Variants in ZCCHC8 observed in about 807,000 individuals in gnomAD.
ZCCHC8 encodes zinc finger CCHC-type containing 8.
A neutral mutation model predicts 70.6 loss-of-function variants in ZCCHC8; 27 were observed. The ratio of observed to expected loss-of-function variants is 0.38; its 90% CI spans 0.28 to 0.53. The LOEUF (loss-of-function observed/expected upper bound fraction) is 0.53. ZCCHC8 is among the 20% of genes least tolerant of loss of function. ZCCHC8 has a pLI of 0.81. For missense variants in ZCCHC8, 737 were observed against 876.9 expected (o/e 0.84, Z 2.01); for synonymous variants, 293 against 317.4 (o/e 0.92, Z 0.82).
intron 2 of ZCCHC8, among the ~76,000 whole-genome samples, chr12:122,497,399 G>A (rs1005246255): frequency 2.0e-5 from 3 of 151,968 alleles, no homozygotes; most frequent in African/African-American, 2.4e-5. Context: ...AAAATTAGCC[G>A]AGTGTGGTAG....
At chr12:122,486,544 C>A (rs1185254356) in intron 5 of ZCCHC8, among the ~76,000 whole-genome samples, 1 of 151,620 alleles carries the variant, frequency 6.6e-6, no homozygotes, top group Admixed American at 6.6e-5. Context: ...CCTACAGATT[C>A]AGACCACGTG....
At chr12:122,498,080 T>C (rs1388560211) in intron 2 of ZCCHC8, among the ~76,000 whole-genome samples, 2 of 152,116 alleles carry the variant, frequency 1.3e-5, no homozygotes, top group Non-Finnish European at 2.9e-5. Context: ...TCTTCTAAAA[T>C]GCTGATTCTT....
intron 5 of ZCCHC8, among the ~76,000 whole-genome samples, chr12:122,487,226 T>C (rs888906327): frequency 2.0e-5 from 3 of 152,236 alleles, no homozygotes; most frequent in African/African-American, 7.2e-5. Context: ...CTGACTACAA[T>C]GTAATTCGAT....
chr12:122,482,732 A>G, intron 7 of ZCCHC8, 37 bp from the exon 8 acceptor site: 5 of 1,556,026 alleles, frequency 3.2e-6, no homozygotes, highest in Non-Finnish European at 4.4e-6. Flanking sequence ...TATAATGTCA[A>G]TAAAAATAGA....
At chr12:122,482,766 A>G (rs1367143772) in intron 7 of ZCCHC8, 71 bp from the exon 8 acceptor site, 2 of 1,324,436 alleles carry the variant, frequency 1.5e-6, no homozygotes, top group Admixed American at 2.1e-5. Context: ...AAAATTCTAT[A>G]TGACAGCAAA....
At chr12:122,498,905 A>G (rs756779047) in intron 1 of ZCCHC8, 36 bp from the exon 2 acceptor site, 36 of 1,586,912 alleles carry the variant, frequency 2.3e-5, no homozygotes, top group Non-Finnish European at 2.9e-5. Flanking sequence ...CCCTCATTTA[A>G]CAATGCAAAT....
chr12:122,487,023 G>A (rs1367265273), intron 5 of ZCCHC8, among the ~76,000 whole-genome samples: 1 of 152,196 alleles, frequency 6.6e-6, no homozygotes, highest in Non-Finnish European at 1.5e-5. Flanking sequence ...TACATGCCAG[G>A]TAGTGCTCCT....
chr12:122,477,829 G>A lies in ZCCHC8; in HGVS notation c.1345+12C>T, dbSNP rs1336043962. The A allele has an allele frequency of 1.3e-6, 2 of 1,567,584 alleles. No individual in the cohort carries two copies. The highest frequency in any genetic ancestry group is 1.8e-6 in the Non-Finnish European group (2 of 1,138,900). On this transcript the variant is annotated intron_variant, in intron 13 of 13. Transcript: ENST00000633063. ...AAAAAGAGAGAAATCAGAGCCATAGGATGAAACCTACCTGAATCGAGCTCC... is the reference window on the plus strand; with the variant it reads ...AAAAAGAGAGAAATCAGAGCCATAGAATGAAACCTACCTGAATCGAGCTCC...
intron 10 of ZCCHC8, 24 bp downstream of exon 10, chr12:122,481,498 C>T (rs1331058190): frequency 6.4e-7 from 1 of 1,572,172 alleles, no homozygotes; most frequent in East Asian, 2.3e-5. Flanking sequence ...CTTAAGGTGA[C>T]TTCTCTAACT....
chr12:122,492,847 A>T (rs1957771468), intron 2 of ZCCHC8, 58 bp from the exon 3 acceptor site: 1 of 1,128,314 alleles, frequency 8.9e-7, no homozygotes, highest in Non-Finnish European at 1.3e-6. Flanking sequence ...TTGCATACGT[A>T]TATATAAACG....
rs1001727264 is a variant in ZCCHC8, at chr12:122,471,764, T to C, written c.*1733A>G. ...TTCTTTACAGAACAGTAAATTCTGA[T>C]TACTCAAGTTCTCAAAAATGAAAGC... On this transcript the variant is annotated 3_prime_UTR_variant, in exon 14 of 14. Transcript: ENST00000633063. 7.2e-5 allele frequency: 11 copies of C among 152,232 alleles called. No individual in the cohort carries two copies. The highest frequency in any genetic ancestry group is 1.3e-4 in the Non-Finnish European group (9 of 68,044). 9.4% of individuals were successfully genotyped at this position (152,232 alleles called of 1,614,324 possible).
intron 5 of ZCCHC8, among the ~76,000 whole-genome samples, chr12:122,485,075 T>C (rs569899801): frequency 6.6e-6 from 1 of 152,206 alleles, no homozygotes; most frequent in Non-Finnish European, 1.5e-5. Flanking sequence ...GTATGTAGTA[T>C]AATATGTATG....
intron 5 of ZCCHC8, among the ~76,000 whole-genome samples, chr12:122,486,412 CAAAAAAAAAAAAAA>C (rs762392385): frequency 3.9e-5 from 2 of 50,858 alleles, no homozygotes; most frequent in Non-Finnish European, 7.9e-5. Context: ...GAGGCTGTCT[CAAAAAAAAAAAAAA>C]AAAAAAAAAA....
chr12:122,480,987 T>C (rs1957521769), intron 10 of ZCCHC8: 2 of 152,430 alleles, frequency 1.3e-5, no homozygotes, highest in South Asian at 2.1e-4. Context: ...CCACTCTTCA[T>C]GTATGTTGCA....
Position 122,473,426 on chromosome 12 carries a change from A to G in ZCCHC8, c.*71T>C. On this transcript the variant is annotated 3_prime_UTR_variant, in exon 14 of 14. Coordinates refer to ENST00000633063, the MANE Select transcript of ZCCHC8 (RefSeq NM_017612.5). ...GAGGGACAAACAGGAAAACCATTCT[A>G]TCTATCCACTTAATTAGTACTAATT... 6.8e-7 allele frequency: 1 copy of G among 1,462,042 alleles called. No homozygotes were observed. The allele number at this position is 1,462,042 out of a possible 1,614,324, so 90.6% of individuals were successfully genotyped here.
intron 10 of ZCCHC8, 95 bp downstream of exon 10, chr12:122,481,424 AAAG>A (rs897700216): frequency 1.7e-5 from 25 of 1,435,310 alleles, no homozygotes; most frequent in Non-Finnish European, 1.9e-5. Context: ...AGCACACATT[AAAG>A]AAGCCGGCCA....
chr12:122,483,167 T>C lies in ZCCHC8; in HGVS notation c.671+112A>G. 1 of 941,574 alleles carries C rather than the reference T, an allele frequency of 1.1e-6. No individual in the cohort carries two copies. Among genetic ancestry groups the C allele is most frequent in the East Asian group, 2.6e-5 (1 of 38,132 alleles). 58.3% of individuals were successfully genotyped at this position (941,574 alleles called of 1,614,324 possible). ...TGGATTAAAATTCTAGCTCAATCTG[T>C]AATTAACCTTAGAGTAAACCAGCAG... On this transcript the variant is annotated intron_variant, in intron 7 of 13. Coordinates refer to ENST00000633063, the MANE Select transcript of ZCCHC8 (RefSeq NM_017612.5). The surrounding 1 kb of genome is among the most constrained non-coding windows in gnomAD (Gnocchi z 4.4).
rs1165861989 is a variant in ZCCHC8, at chr12:122,472,385, T to A, written c.*1112A>T. On this transcript the variant is annotated 3_prime_UTR_variant, in exon 14 of 14. Coordinates refer to ENST00000633063, the MANE Select transcript of ZCCHC8 (RefSeq NM_017612.5). ...ACCACACCTGGCTAATTTTTGTATT[T>A]ATGTAGAGATGGGGTTTTGCCATGT... 6.6e-6 allele frequency: 1 copy of A among 152,186 alleles called. No homozygotes were observed. The highest frequency in any genetic ancestry group is 1.9e-4 in the East Asian group (1 of 5,148). The allele number at this position is 152,186 out of a possible 1,614,324, so 9.4% of individuals were successfully genotyped here. A position where few individuals can be genotyped will look rare whatever the true frequency, so the allele number is the denominator to read the frequency against.
chr12:122,500,844 G>A lies in ZCCHC8; in HGVS notation c.-4C>T. ...CAAAATACACCTCTGCGGCCATTTT[G>A]GGCTGTGGAAAAGATTCGAGAAGAG... is the stretch of plus-strand genomic sequence containing the variant. On this transcript the variant is annotated 5_prime_UTR_variant, in exon 1 of 14. Transcript: ENST00000633063. The surrounding 1 kb of genome is among the most constrained non-coding windows in gnomAD (Gnocchi z 4.8). 5 of 1,564,384 alleles carry A rather than the reference G, an allele frequency of 3.2e-6. No individual in the cohort carries two copies. Among genetic ancestry groups the A allele is most frequent in the Non-Finnish European group, 4.3e-6 (5 of 1,154,804 alleles).
Sources: allele counts gnomAD v4.1 joint callset (sites outside exome capture counted in the v4.1 genomes callset), GRCh38; gene constraint gnomAD v4.1.1; non-coding constraint Gnocchi (gnomAD v3.1); transcripts MANE v1.5; gene names NCBI Gene and HGNC (gene_info 2026-07-23, HGNC 2026-07-21).